The following ATP8A1 variants were observed in gnomAD, a reference collection of about 807,000 sequenced individuals.
ATP8A1 encodes the protein phospholipid-transporting ATPase IA.
Under a neutral mutation model 177.7 loss-of-function variants are expected in ATP8A1, and 90 were observed. That is an observed-to-expected ratio of 0.51 (90% CI 0.43 to 0.60). The LOEUF is 0.60. Among genes scored for constraint, ATP8A1 ranks in the 20% least tolerant of loss-of-function variants. ATP8A1 has a pLI of 0.00. For missense variants in ATP8A1, 1,072 were observed against 1,392.8 expected (o/e 0.77, Z 3.67); for synonymous variants, 493 against 485.9 (o/e 1.01, Z -0.19).
At chr4:42,499,393 G>C (rs1312655794) in intron 24 of ATP8A1, among the ~76,000 whole-genome samples, 1 of 152,154 alleles carries the variant, frequency 6.6e-6, no homozygotes, top group African/African-American at 2.4e-5. Context: ...TTGAGATGTA[G>C]CTCTACCTCT....
intron 1 of ATP8A1, among the ~76,000 whole-genome samples, chr4:42,641,576 T>C (rs1740001663): frequency 6.6e-6 from 1 of 152,184 alleles, no homozygotes; most frequent in Admixed American, 6.5e-5. Flanking sequence ...GTTTTCCGCA[T>C]TTTGTACATG....
At chr4:42,600,349 T>C (rs1735120462) in intron 6 of ATP8A1, 129 bp downstream of exon 6, 2 of 569,256 alleles carry the variant, frequency 3.5e-6, no homozygotes, top group Admixed American at 7.9e-5. Flanking sequence ...CATGCATGTT[T>C]ATATTACTAA....
rs375349426 is a variant in ATP8A1 at position 42,435,807 on chromosome 4, C to G, written c.3123+7758G>C. On this transcript the variant is annotated intron_variant, in intron 33 of 36. Transcript: ENST00000381668. Reference sequence around the variant, plus strand: ...CTGCATCATGTGAGTTTCAGCTTAACCGTCCCAACTTCAGAAAGACCTTCC... The same window carrying G: ...CTGCATCATGTGAGTTTCAGCTTAAGCGTCCCAACTTCAGAAAGACCTTCC... 3.2e-4 allele frequency among the ~76,000 whole-genome samples: 48 copies of G among 152,344 alleles called. 1 individual carries two copies. The highest frequency in any genetic ancestry group is 9.6e-4 in the African/African-American group (40 of 41,586).
chr4:42,523,863 C>G (rs886511078), intron 21 of ATP8A1, among the ~76,000 whole-genome samples: 8 of 152,262 alleles, frequency 5.3e-5, no homozygotes, highest in South Asian at 2.1e-4. Context: ...TTTTCAAAAG[C>G]CATCTTTTTT....
chr4:42,577,229 C>T (rs949838268), intron 12 of ATP8A1, among the ~76,000 whole-genome samples: 1 of 152,138 alleles, frequency 6.6e-6, no homozygotes, highest in Non-Finnish European at 1.5e-5. Flanking sequence ...CAATGAGTTA[C>T]CCTATTATTG....
intron 33 of ATP8A1, among the ~76,000 whole-genome samples, chr4:42,436,314 G>A (rs1249818904): frequency 1.4e-5 from 1 of 73,276 alleles, no homozygotes; most frequent in Non-Finnish European, 3.0e-5. Flanking sequence ...GCACACATTA[G>A]ACGCTCGATC....
chr4:42,500,229 G>A (rs1167860549), intron 24 of ATP8A1, among the ~76,000 whole-genome samples: 1 of 152,168 alleles, frequency 6.6e-6, no homozygotes, highest in African/African-American at 2.4e-5. Context: ...GCTGGGTGTG[G>A]TGGTGAATGC....
chr4:42,460,634 G>A (rs1471554941), intron 27 of ATP8A1, among the ~76,000 whole-genome samples: 10 of 151,966 alleles, frequency 6.6e-5, no homozygotes, highest in East Asian at 1.9e-4. Flanking sequence ...TGATCTGCCC[G>A]CCTCAGCCTC....
At chr4:42,444,077 G>T (rs6855703) in intron 32 of ATP8A1, among the ~76,000 whole-genome samples, 3 of 152,194 alleles carry the variant, frequency 2.0e-5, no homozygotes, top group Non-Finnish European at 4.4e-5. Context: ...TCTTTCCCAG[G>T]GACATGAAAC....
intron 2 of ATP8A1, 50 bp downstream of exon 2, chr4:42,626,945 C>G: frequency 7.1e-7 from 1 of 1,415,918 alleles, no homozygotes; most frequent in Non-Finnish European, 1.0e-6. Flanking sequence ...TTTGACCTAA[C>G]CAGCTCTGCT....
At chr4:42,499,889 AC>A (rs1463555746) in intron 24 of ATP8A1, among the ~76,000 whole-genome samples, 1 of 152,250 alleles carries the variant, frequency 6.6e-6, no homozygotes, top group Admixed American at 6.5e-5. Flanking sequence ...TAACAGACAG[AC>A]TTTAAAAAAT....
chr4:42,597,420 C>A lies in ATP8A1; in HGVS notation c.450+3058G>T, dbSNP rs375566905. On this transcript the variant is annotated intron_variant, in intron 6 of 36. Coordinates refer to ENST00000381668, the MANE Select transcript of ATP8A1 (RefSeq NM_006095.2). ...AGCCAGTATTTCAGTGTACATAGTA[C>A]TATTTTTTTTCACCTATGATTATAT... Among the ~76,000 whole-genome samples the A allele has an allele frequency of 3.5e-4, 53 of 152,296 alleles. 2 individuals carry two copies. The South Asian group carries it at 0.01, about 30-fold the overall frequency.
At chr4:42,464,004 T>A (rs1474941019) in intron 27 of ATP8A1, among the ~76,000 whole-genome samples, 1 of 152,232 alleles carries the variant, frequency 6.6e-6, no homozygotes, top group African/African-American at 2.4e-5. Context: ...CTTCAGTTGA[T>A]GTTTCTCATT....
chr4:42,537,086 C>T (rs1379727091), intron 20 of ATP8A1, among the ~76,000 whole-genome samples: 8 of 150,064 alleles, frequency 5.3e-5, no homozygotes, highest in African/African-American at 1.7e-4. Context: ...GAGCCGAGAT[C>T]GTGCCATTGC....
At chr4:42,513,651 G>A (rs1025276268) in intron 22 of ATP8A1, among the ~76,000 whole-genome samples, 6 of 152,176 alleles carry the variant, frequency 3.9e-5, no homozygotes, top group Non-Finnish European at 8.8e-5. Flanking sequence ...ATGAAGTGAC[G>A]TGTGGCAGTG....
At chr4:42,501,758 T>C (rs1419119305) in intron 24 of ATP8A1, among the ~76,000 whole-genome samples, 1 of 152,188 alleles carries the variant, frequency 6.6e-6, no homozygotes, top group Non-Finnish European at 1.5e-5. Context: ...CGCGAAGTGA[T>C]GTTTCCTTTC....
At chr4:42,650,802 T>C (rs1741014773) in intron 1 of ATP8A1, among the ~76,000 whole-genome samples, 1 of 152,204 alleles carries the variant, frequency 6.6e-6, no homozygotes, top group Non-Finnish European at 1.5e-5. Flanking sequence ...CTGAACAATT[T>C]AATCCTTATT....
chr4:42,532,151 T>C (rs1727329487), intron 20 of ATP8A1, among the ~76,000 whole-genome samples: 1 of 150,870 alleles, frequency 6.6e-6, no homozygotes, highest in Non-Finnish European at 1.5e-5. Context: ...CACACACACA[T>C]AAAATACACG....
chr4:42,578,896 C>T (rs1732738491), intron 11 of ATP8A1, among the ~76,000 whole-genome samples: 1 of 151,820 alleles, frequency 6.6e-6, no homozygotes, highest in Admixed American at 6.6e-5. Flanking sequence ...ACTGCTATAC[C>T]AGATACAATT....
Sources: gnomAD v4.1 joint callset for allele counts (sites outside exome capture counted in the v4.1 genomes callset) on GRCh38, gnomAD v4.1.1 for gene constraint, MANE v1.5 for transcripts, NCBI Gene and HGNC (gene_info 2026-07-23, HGNC 2026-07-21) for gene names.